ANTXR1: variants seen among roughly 807,000 people sequenced by gnomAD.
ANTXR1 encodes anthrax toxin receptor 1.
A neutral mutation model predicts 78.1 loss-of-function variants in ANTXR1; 19 were observed. The observed-to-expected ratio is 0.24, with a 90% confidence interval of 0.17 to 0.36. ANTXR1 has a LOEUF of 0.36. Among genes scored for constraint, ANTXR1 ranks in the 10% least tolerant of loss-of-function variants. The pLI is 1.00. For synonymous variants in ANTXR1, 273 were observed against 260.5 expected (o/e 1.05, Z -0.46); for missense variants, 518 against 718.6 (o/e 0.72, Z 3.19).
At chr2:69,202,792 G>C (rs1674807176) in intron 17 of ANTXR1, among the ~76,000 whole-genome samples, 1 of 152,162 alleles carries the variant, frequency 6.6e-6, no homozygotes, top group African/African-American at 2.4e-5. Context: ...CACACCTTGG[G>C]AACCCCATTG....
chr2:69,218,666 A>G (rs1282030396), intron 17 of ANTXR1, among the ~76,000 whole-genome samples: 1 of 152,214 alleles, frequency 6.6e-6, no homozygotes, highest in Non-Finnish European at 1.5e-5. Context: ...GAGGGGTAGT[A>G]CTTCCTGCTT....
At chr2:69,032,004 G>A (rs912972765) in intron 1 of ANTXR1, among the ~76,000 whole-genome samples, 4 of 150,512 alleles carry the variant, frequency 2.7e-5, no homozygotes, top group African/African-American at 9.8e-5. Context: ...CCCCCATTAT[G>A]TATGTAAAGA....
chr2:69,152,351 A>G, intron 13 of ANTXR1, 87 bp downstream of exon 13: 2 of 1,349,688 alleles, frequency 1.5e-6, no homozygotes, highest in Non-Finnish European at 2.1e-6. Context: ...ATTTTTAAAA[A>G]ACTAAAGATG....
At chr2:69,027,799 A>G (rs940888126) in intron 1 of ANTXR1, among the ~76,000 whole-genome samples, 10 of 149,602 alleles carry the variant, frequency 6.7e-5, no homozygotes, top group Non-Finnish European at 1.2e-4. Context: ...TATTCATGGA[A>G]AGCATTTTCA....
intron 16 of ANTXR1, among the ~76,000 whole-genome samples, chr2:69,184,593 G>T (rs1157389753): frequency 6.6e-6 from 1 of 152,208 alleles, no homozygotes; most frequent in African/African-American, 2.4e-5. Flanking sequence ...TGGACACTGA[G>T]AGAACATTAA....
intron 1 of ANTXR1, among the ~76,000 whole-genome samples, chr2:69,039,179 A>G (rs1669540073): frequency 6.6e-6 from 1 of 152,202 alleles, no homozygotes. Flanking sequence ...AGGAGGCATC[A>G]CAGCTACTAA....
intron 9 of ANTXR1, among the ~76,000 whole-genome samples, chr2:69,098,711 C>T (rs1366534005): frequency 1.3e-5 from 2 of 152,278 alleles, no homozygotes; most frequent in East Asian, 1.9e-4. Context: ...TCAGGCCAGG[C>T]GTGGTGGCTC....
In ANTXR1 at chr2:69,013,302, C is replaced by T; in HGVS notation, c.-198C>T. On this transcript the variant is annotated 5_prime_UTR_variant, in exon 1 of 18. Transcript: ENST00000303714. This position sits in a 1 kb window ranked among gnomAD's most constrained non-coding sequence, Gnocchi z 5.0. ...GGATTGGGATCCTTGAAACCCGAAA[C>T]CCAGAAACAGCATCGGAGCGGAAAC... 1 of 741,870 alleles carries T rather than the reference C, an allele frequency of 1.3e-6. No homozygotes were observed. The highest frequency in any genetic ancestry group is 1.7e-5 in the South Asian group (1 of 57,468). The allele number at this position is 741,870 out of a possible 1,614,324, so 46.0% of individuals were successfully genotyped here.
chr2:69,162,862 G>A (rs977034206), intron 13 of ANTXR1, among the ~76,000 whole-genome samples: 1 of 152,014 alleles, frequency 6.6e-6, no homozygotes, highest in Admixed American at 6.6e-5. Context: ...AGGACTAATG[G>A]GGGAAATGGG....
intron 12 of ANTXR1, among the ~76,000 whole-genome samples, chr2:69,125,222 A>G (rs966779045): frequency 6.6e-6 from 1 of 152,192 alleles, no homozygotes; most frequent in Non-Finnish European, 1.5e-5. Context: ...TTGTGAGGCA[A>G]GAGCGGGGAC....
intron 16 of ANTXR1, chr2:69,182,890 C>T (rs1674313298): frequency 1.7e-6 from 1 of 580,814 alleles, no homozygotes; most frequent in East Asian, 3.1e-5. Flanking sequence ...CTCACTTCTG[C>T]AGCACATATA....
chr2:69,124,474 C>A, intron 11 of ANTXR1, 91 bp from the exon 12 acceptor site: 1 of 1,115,168 alleles, frequency 9.0e-7, no homozygotes, highest in African/African-American at 1.5e-5. Flanking sequence ...TATTTAAGAG[C>A]AGAGCCCAAA....
chr2:69,047,440 C>T (rs550906509), intron 3 of ANTXR1, among the ~76,000 whole-genome samples: 22 of 152,196 alleles, frequency 1.4e-4, no homozygotes, highest in African/African-American at 4.8e-4. Flanking sequence ...AGGAACTATG[C>T]GGTCATTTGA....
At chr2:69,066,173 T>C (rs182688527) in intron 3 of ANTXR1, among the ~76,000 whole-genome samples, 45 of 152,342 alleles carry the variant, frequency 3.0e-4, no homozygotes, top group Admixed American at 2.2e-3. Context: ...CAAAATATGA[T>C]AGCCATTGCA....
intron 17 of ANTXR1, among the ~76,000 whole-genome samples, chr2:69,234,549 T>C (rs780070483): frequency 3.9e-5 from 6 of 152,034 alleles, no homozygotes; most frequent in Non-Finnish European, 8.8e-5. Flanking sequence ...GGCCAAGGAC[T>C]CCTGAGGTCA....
At chr2:69,225,180 G>T (rs1354207519) in intron 17 of ANTXR1, among the ~76,000 whole-genome samples, 1 of 152,084 alleles carries the variant, frequency 6.6e-6, no homozygotes, top group Non-Finnish European at 1.5e-5. Context: ...CCTTTCCCTG[G>T]CCTCAAAAGA....
intron 10 of ANTXR1, among the ~76,000 whole-genome samples, chr2:69,115,132 A>G (rs1252541068): frequency 6.6e-6 from 1 of 152,240 alleles, no homozygotes; most frequent in East Asian, 1.9e-4. Context: ...CTAGATGCCA[A>G]TAGCATTCCT....
intron 10 of ANTXR1, among the ~76,000 whole-genome samples, chr2:69,115,265 C>T (rs1672105981): frequency 6.6e-6 from 1 of 152,246 alleles, no homozygotes; most frequent in Admixed American, 6.5e-5. Flanking sequence ...AGATAAGTAA[C>T]TTGCTTCTTA....
chr2:69,178,292 G>C (rs1674185523), intron 14 of ANTXR1, among the ~76,000 whole-genome samples: 1 of 152,206 alleles, frequency 6.6e-6, no homozygotes, highest in Admixed American at 6.5e-5. Context: ...CATGCTAACT[G>C]CAGGGGAAAC....
Sources: allele counts gnomAD v4.1 joint callset (sites outside exome capture counted in the v4.1 genomes callset), GRCh38; gene constraint gnomAD v4.1.1; non-coding constraint Gnocchi (gnomAD v3.1); transcripts MANE v1.5; gene names NCBI Gene and HGNC (gene_info 2026-07-23, HGNC 2026-07-21).